Variants in CSMD3 observed in about 807,000 individuals in gnomAD.
The protein encoded by CSMD3 is CUB and sushi domain-containing protein 3.
A neutral mutation model predicts 435.2 loss-of-function variants in CSMD3; 177 were observed. That is an observed-to-expected ratio of 0.41 (90% CI 0.36 to 0.46). CSMD3 has a LOEUF of 0.46. CSMD3 is among the 20% of genes least tolerant of loss of function. The probability of loss-of-function intolerance (pLI) is 0.34; values close to 1 mark genes in which losing one functional copy is unlikely to be tolerated. For synonymous variants in CSMD3, 1,656 were observed against 1,520.5 expected, an observed-to-expected ratio of 1.09 and a Z score of -2.07; for missense variants, 4,265 against 4,504.6, an observed-to-expected ratio of 0.95 and a Z score of 1.52.
chr8:113,215,965 G>T (rs575395698), intron 3 of CSMD3, among the ~76,000 whole-genome samples: 1 of 151,632 alleles, frequency 6.6e-6, no homozygotes, highest in East Asian at 2.0e-4. Flanking sequence ...ATATCTTTTG[G>T]CAAAAAGGCA....
At chr8:112,293,577 A>G (rs867833789) in intron 54 of CSMD3, among the ~76,000 whole-genome samples, 1 of 152,076 alleles carries the variant, frequency 6.6e-6, no homozygotes, top group Non-Finnish European at 1.5e-5. Flanking sequence ...CTCTAAATCA[A>G]TCTTACTGGT....
At chr8:112,585,409 C>CTT (rs56220349) in intron 23 of CSMD3, among the ~76,000 whole-genome samples, 21 of 146,146 alleles carry the variant, frequency 1.4e-4, no homozygotes, top group Non-Finnish European at 2.3e-4. Flanking sequence ...TACATTGAGT[C>CTT]TTTTTTTTTT....
intron 36 of CSMD3, 88 bp from the exon 37 acceptor site, chr8:112,383,751 T>G: frequency 1.2e-6 from 1 of 860,600 alleles, no homozygotes; most frequent in East Asian, 2.5e-5. Flanking sequence ...GAAAAGAGAG[T>G]TCAAATCCTG....
intron 10 of CSMD3, among the ~76,000 whole-genome samples, chr8:112,886,917 T>A (rs936507308): frequency 4.0e-5 from 6 of 151,514 alleles, no homozygotes; most frequent in Non-Finnish European, 7.4e-5. Context: ...TATTACATAT[T>A]TTTTTTCCTG....
At chr8:112,314,119 T>C (rs1327015925) in intron 48 of CSMD3, 67 bp from the exon 49 acceptor site, 4 of 1,228,082 alleles carry the variant, frequency 3.3e-6, no homozygotes, top group Non-Finnish European at 4.7e-6. Context: ...TAGTATTTTA[T>C]ATCTTTAGAA....
chr8:113,372,118 T>A (rs1004437145), intron 1 of CSMD3, among the ~76,000 whole-genome samples: 1 of 152,146 alleles, frequency 6.6e-6, no homozygotes, highest in Admixed American at 6.5e-5. Context: ...CAGGTGCAAT[T>A]TTTATCTTAT....
chr8:112,295,786 A>G (rs757909897), intron 54 of CSMD3, 47 bp downstream of exon 54: 1 of 1,541,728 alleles, frequency 6.5e-7, no homozygotes, highest in Non-Finnish European at 9.0e-7. Context: ...AACTAGAATT[A>G]TTCCAAAGAT....
At chr8:113,016,931 AG>A (rs1357788286) in intron 6 of CSMD3, among the ~76,000 whole-genome samples, 1 of 151,864 alleles carries the variant, frequency 6.6e-6, no homozygotes, top group African/African-American at 2.4e-5. Flanking sequence ...TATGCTGTTG[AG>A]GTAGAATATT....
At chr8:112,355,422 A>G (rs1826501264) in intron 38 of CSMD3, among the ~76,000 whole-genome samples, 1 of 152,220 alleles carries the variant, frequency 6.6e-6, no homozygotes, top group South Asian at 2.1e-4. Context: ...AACCTACAGA[A>G]TGGGAGAAAA....
At chr8:112,787,779 C>T (rs2078587182) in intron 13 of CSMD3, among the ~76,000 whole-genome samples, 1 of 152,020 alleles carries the variant, frequency 6.6e-6, no homozygotes, top group Admixed American at 6.6e-5. Context: ...TGATGGTAAC[C>T]AGAGGCTGGG....
chr8:112,659,966 A>C (rs1206788370), intron 17 of CSMD3, among the ~76,000 whole-genome samples: 1 of 152,140 alleles, frequency 6.6e-6, no homozygotes, highest in Non-Finnish European at 1.5e-5. Flanking sequence ...CAAAATAGCT[A>C]TGCCACCATG....
chr8:113,335,565 G>GTTTGTTTTTTT (rs1263100966), intron 1 of CSMD3, among the ~76,000 whole-genome samples: 1 of 98,126 alleles, frequency 1.0e-5, no homozygotes, highest in Non-Finnish European at 1.9e-5. Flanking sequence ...TTTTTTTTGG[G>GTTTGTTTTTTT]TATTTACATG....
intron 4 of CSMD3, among the ~76,000 whole-genome samples, chr8:113,111,158 G>T (rs2090627440): frequency 6.6e-6 from 1 of 152,112 alleles, no homozygotes; most frequent in Non-Finnish European, 1.5e-5. Flanking sequence ...CAGGATTGAA[G>T]TCATGGTCTT....
intron 2 of CSMD3, among the ~76,000 whole-genome samples, chr8:113,281,041 T>C (rs1358978032): frequency 6.6e-6 from 1 of 151,962 alleles, no homozygotes; most frequent in Non-Finnish European, 1.5e-5. Context: ...ATTTTAATTT[T>C]TTCTTTATTT....
chr8:112,624,118 G>T (rs984860915), intron 22 of CSMD3, among the ~76,000 whole-genome samples: 1 of 151,892 alleles, frequency 6.6e-6, no homozygotes, highest in South Asian at 2.1e-4. Context: ...ACAAAGAAAA[G>T]AATAATTTTA....
At chr8:113,276,263 T>A (rs1010370281) in intron 3 of CSMD3, among the ~76,000 whole-genome samples, 27 of 152,240 alleles carry the variant, frequency 1.8e-4, no homozygotes, top group Admixed American at 2.0e-4. Flanking sequence ...ATGCGGAGAT[T>A]AGCATTCATT....
chr8:113,411,598 C>T (rs1461516123), intron 1 of CSMD3, among the ~76,000 whole-genome samples: 1 of 152,100 alleles, frequency 6.6e-6, no homozygotes, highest in African/African-American at 2.4e-5. Context: ...TAGATTTTCT[C>T]AAAATGAGGA....
chr8:112,872,267 G>A (rs916675557), intron 10 of CSMD3, among the ~76,000 whole-genome samples: 1 of 152,002 alleles, frequency 6.6e-6, no homozygotes, highest in Non-Finnish European at 1.5e-5. Context: ...CAAAAGTGCA[G>A]TTACAATTAG....
intron 13 of CSMD3, among the ~76,000 whole-genome samples, chr8:112,777,545 AT>A (rs887055330): frequency 6.6e-6 from 1 of 151,838 alleles, no homozygotes; most frequent in African/African-American, 2.4e-5. Flanking sequence ...AGATAATTCA[AT>A]TTGAGTTTCT....
Sources: gnomAD v4.1 joint callset for allele counts (sites outside exome capture counted in the v4.1 genomes callset) on GRCh38, gnomAD v4.1.1 for gene constraint, MANE v1.5 for transcripts, NCBI Gene and HGNC (gene_info 2026-07-23, HGNC 2026-07-21) for gene names.